LEKR1: variants seen among roughly 807,000 people sequenced by gnomAD.
The protein encoded by LEKR1 is protein LEKR1.
In LEKR1, 59 loss-of-function variants were observed where a neutral mutation model predicts 72.4. That is an observed-to-expected ratio of 0.82 (90% CI 0.66 to 1.01). The LOEUF is 1.01. Ranked by LOEUF, LEKR1 falls within the 50% of genes least tolerant of loss-of-function variation. LEKR1 has a pLI of 0.00. For missense variants in LEKR1, 728 were observed against 759.2 expected, an observed-to-expected ratio of 0.96 and a Z score of 0.48; for synonymous variants, 257 against 263.2, an observed-to-expected ratio of 0.98 and a Z score of 0.23.
At chr3:156,882,408 C>G (rs955936801) in intron 3 of LEKR1, among the ~76,000 whole-genome samples, 1 of 152,046 alleles carries the variant, frequency 6.6e-6, no homozygotes, top group Non-Finnish European at 1.5e-5. Flanking sequence ...AAAATGCTCA[C>G]CATCACTGGC....
At chr3:156,893,088 G>A (rs554886612) in intron 3 of LEKR1, among the ~76,000 whole-genome samples, 2 of 152,196 alleles carry the variant, frequency 1.3e-5, no homozygotes, top group African/African-American at 4.8e-5. Flanking sequence ...TGGCTGTCAA[G>A]GGAGGCTTCA....
In LEKR1 at chr3:157,045,550, T is replaced by C; in HGVS notation, c.1879T>C (p.Ser627Pro). 6.2e-7 allele frequency: 1 copy of C among 1,614,080 alleles called. No individual in the cohort carries two copies. Among genetic ancestry groups the C allele is most frequent in the Non-Finnish European group, 8.5e-7 (1 of 1,179,996 alleles). The stretch of plus-strand genomic sequence containing the variant: ...AGAGAGAAGCCTTGCAAGACTGAAC[T>C]CTGAAAAAGGAATCCAAATTCCCAA... The part of the protein sequence containing the change: ...HGERSLARLN[S>P]EKGIQIPNLR... Residue 627 changes from serine (S) to proline (P), a missense_variant, in exon 13 of 13, where the codon TCT (serine) becomes CCT (proline). Physicochemically the swap from Ser to Pro is moderately conservative, Grantham distance 74. Coordinates refer to ENST00000356539, the MANE Select transcript of LEKR1 (RefSeq NM_001004316.3).
chr3:156,877,373 G>A (rs891959424), intron 3 of LEKR1, among the ~76,000 whole-genome samples: 2 of 151,876 alleles, frequency 1.3e-5, no homozygotes, highest in Admixed American at 6.6e-5. Context: ...TTATCTTTTG[G>A]AATAGTCTTA....
chr3:156,831,595 C>T (rs1219560572), intron 2 of LEKR1, among the ~76,000 whole-genome samples: 4 of 152,178 alleles, frequency 2.6e-5, no homozygotes, highest in Non-Finnish European at 5.9e-5. Flanking sequence ...GGAGGCCTCA[C>T]AATCATGGCT....
At chr3:157,040,994 T>C (rs540757842) in intron 12 of LEKR1, among the ~76,000 whole-genome samples, 88 of 152,228 alleles carry the variant, frequency 5.8e-4, no homozygotes, top group African/African-American at 2.0e-3. Context: ...AATATAAAAA[T>C]AAACCACTCT....
chr3:156,977,129 T>A (rs897751023), intron 6 of LEKR1, among the ~76,000 whole-genome samples: 10 of 152,122 alleles, frequency 6.6e-5, no homozygotes, highest in Non-Finnish European at 4.4e-5. Context: ...ATACTCACTC[T>A]CTTCTCTGGG....
chr3:156,943,804 A>C (rs9863865), intron 6 of LEKR1, among the ~76,000 whole-genome samples: 3,685 of 152,008 alleles, frequency 0.024, 164 homozygotes, highest in African/African-American at 0.084. Context: ...GCTAGTGTTG[A>C]AAGAGAAGAT....
At chr3:157,000,630 C>T (rs967561424) in intron 9 of LEKR1, among the ~76,000 whole-genome samples, 1 of 152,146 alleles carries the variant, frequency 6.6e-6, no homozygotes, top group Non-Finnish European at 1.5e-5. Context: ...CTTTAGATTG[C>T]TAACATCTTA....
In LEKR1 at chr3:156,900,126, C is replaced by CA. The variant is rs560977453; in HGVS notation, c.264-20442dup. Reference sequence around the variant, plus strand: ...ACTGGTGGGGGGAACTATACTAAACCAAAAAAATGCATGCTCATTAAAGAT... The same window carrying CA: ...ACTGGTGGGGGGAACTATACTAAACCAAAAAAAATGCATGCTCATTAAAGAT... On this transcript the variant is annotated intron_variant, in intron 3 of 12. Transcript: ENST00000356539. 1.6e-4 allele frequency among the ~76,000 whole-genome samples: 25 copies of CA among 151,756 alleles called. 2 individuals are homozygous for CA. Among genetic ancestry groups the CA allele is most frequent in the Admixed American group, 1.4e-3 (21 of 15,202 alleles).
At chr3:157,015,239 A>C (rs1231967763) in intron 10 of LEKR1, among the ~76,000 whole-genome samples, 1 of 152,208 alleles carries the variant, frequency 6.6e-6, no homozygotes, top group East Asian at 1.9e-4. Context: ...GTTCATGGAT[A>C]GTGTTCACAG....
At chr3:156,895,335 C>G (rs1721064636) in intron 3 of LEKR1, among the ~76,000 whole-genome samples, 1 of 152,106 alleles carries the variant, frequency 6.6e-6, no homozygotes, top group South Asian at 2.1e-4. Flanking sequence ...CACAATGAGG[C>G]TGGTGCAGTG....
chr3:156,846,457 T>A (rs1296785271), intron 2 of LEKR1, among the ~76,000 whole-genome samples: 5 of 152,092 alleles, frequency 3.3e-5, no homozygotes, highest in Non-Finnish European at 7.4e-5. Flanking sequence ...AGGGTTTTTT[T>A]TTTTGTAAGT....
chr3:156,928,172 A>C (rs1294319306), intron 5 of LEKR1, among the ~76,000 whole-genome samples: 1 of 152,038 alleles, frequency 6.6e-6, no homozygotes, highest in Non-Finnish European at 1.5e-5. Context: ...AGCAAAGAAG[A>C]TTTTTAGGGC....
rs1722002159 is a variant in LEKR1, at chr3:156,901,213, A to G, written c.264-19362A>G. On this transcript the variant is annotated intron_variant, in intron 3 of 12. Coordinates refer to ENST00000356539, the MANE Select transcript of LEKR1 (RefSeq NM_001004316.3). ...TCCCTTCATTACTGCAGACAACGTC[A>G]TTCCTTTTTTTTTTCCTTCCTTCTC... Among the ~76,000 whole-genome samples, 3 of 151,430 alleles carry G rather than the reference A, an allele frequency of 2.0e-5. No homozygotes were observed. In the South Asian group the frequency reaches 6.2e-4, roughly 31 times the overall value.
intron 10 of LEKR1, among the ~76,000 whole-genome samples, chr3:157,015,035 T>C (rs1733196113): frequency 1.3e-5 from 2 of 152,276 alleles, no homozygotes; most frequent in East Asian, 1.9e-4. Context: ...TTTCAAGATA[T>C]TGGACATCAG....
intron 4 of LEKR1, among the ~76,000 whole-genome samples, chr3:156,926,325 T>C (rs1052735990): frequency 6.6e-6 from 1 of 152,056 alleles, no homozygotes; most frequent in African/African-American, 2.4e-5. Flanking sequence ...AAAAGTTTAA[T>C]AAGAATTTCC....
intron 10 of LEKR1, among the ~76,000 whole-genome samples, chr3:157,012,300 G>C (rs116467802): frequency 0.019 from 2,922 of 152,150 alleles, 89 homozygotes; most frequent in African/African-American, 0.067. Context: ...CTGGCCTTCT[G>C]CCTTAGTTTT....
intron 3 of LEKR1, among the ~76,000 whole-genome samples, chr3:156,894,991 G>T (rs915197144): frequency 2.0e-5 from 3 of 152,192 alleles, no homozygotes; most frequent in African/African-American, 7.2e-5. Flanking sequence ...AAGATTTCAT[G>T]ATGAAAACAC....
At chr3:156,926,209 T>A (rs1724703187) in intron 4 of LEKR1, among the ~76,000 whole-genome samples, 1 of 152,042 alleles carries the variant, frequency 6.6e-6, no homozygotes, top group Admixed American at 6.6e-5. Flanking sequence ...CATAATATAC[T>A]ACTTCAGGGA....
Sources: allele counts gnomAD v4.1 joint callset (sites outside exome capture counted in the v4.1 genomes callset), GRCh38; gene constraint gnomAD v4.1.1; transcripts MANE v1.5; gene names NCBI Gene and HGNC (gene_info 2026-07-23, HGNC 2026-07-21).